IL1RAPL1: variants seen among roughly 807,000 people sequenced by gnomAD.
IL1RAPL1 encodes interleukin-1 receptor accessory protein-like 1.
In IL1RAPL1, 3 loss-of-function variants were observed where a neutral mutation model predicts 48.4. The ratio of observed to expected loss-of-function variants is 0.06; its 90% CI spans 0.03 to 0.16. IL1RAPL1 has a LOEUF of 0.16. Ranked by LOEUF, IL1RAPL1 falls within the 10% of genes least tolerant of loss-of-function variation. IL1RAPL1 has a pLI of 1.00. For synonymous variants in IL1RAPL1, 185 were observed against 187.7 expected, an observed-to-expected ratio of 0.99 and a Z score of 0.12; for missense variants, 349 against 530.6, an observed-to-expected ratio of 0.66 and a Z score of 3.36.
intron 6 of IL1RAPL1, among the ~76,000 whole-genome samples, chrX:29,789,771 C>T (rs1476010467): frequency 1.1e-5 from 1 of 94,309 alleles, no homozygotes; most frequent in Non-Finnish European, 2.1e-5. Context: ...CATCTTTCTT[C>T]ATGAGTTTCT....
At chrX:29,078,496 G>T (rs1927731703) in intron 2 of IL1RAPL1, among the ~76,000 whole-genome samples, 1 of 111,842 alleles carries the variant, frequency 8.9e-6, no homozygotes, top group African/African-American at 3.2e-5. Flanking sequence ...AGAAAAAAAT[G>T]AGGTCATGAC....
intron 5 of IL1RAPL1, among the ~76,000 whole-genome samples, chrX:29,515,525 T>G (rs1935436335): frequency 8.9e-6 from 1 of 112,215 alleles, no homozygotes; most frequent in Admixed American, 9.5e-5. Flanking sequence ...CCTTTTTCAC[T>G]CAGCATAATT....
At chrX:29,030,189 T>C (rs1230875821) in intron 2 of IL1RAPL1, among the ~76,000 whole-genome samples, 1 of 111,300 alleles carries the variant, frequency 9.0e-6, no homozygotes, top group Non-Finnish European at 1.9e-5. Flanking sequence ...AAGTCAGTCC[T>C]CTGAATTTGT....
intron 3 of IL1RAPL1, among the ~76,000 whole-genome samples, chrX:29,347,235 A>T (rs1933162116): frequency 9.0e-6 from 1 of 111,274 alleles, no homozygotes; most frequent in Admixed American, 9.6e-5. Flanking sequence ...CTAAGAACTT[A>T]TATACTGTGG....
chrX:29,149,310 G>A (rs1048311150), intron 2 of IL1RAPL1, among the ~76,000 whole-genome samples: 1 of 110,827 alleles, frequency 9.0e-6, no homozygotes, highest in African/African-American at 3.3e-5. Context: ...TCAAAGATCC[G>A]TATCTTGAAG....
intron 6 of IL1RAPL1, among the ~76,000 whole-genome samples, chrX:29,782,888 A>AT (rs780831874): frequency 0.12 from 3,588 of 31,025 alleles, 1,050 homozygotes; most frequent in Admixed American, 0.16. Context: ...TGATCGTGAC[A>AT]TTTTTTTTTT....
intron 8 of IL1RAPL1, among the ~76,000 whole-genome samples, chrX:29,931,185 AGG>A (rs1382770050): frequency 9.0e-6 from 1 of 110,891 alleles, no homozygotes. Context: ...TTTTTTTTAA[AGG>A]TTAACAGAGT....
At chrX:29,854,027 A>G (rs936485930) in intron 6 of IL1RAPL1, among the ~76,000 whole-genome samples, 68 of 112,167 alleles carry the variant, frequency 6.1e-4, no homozygotes, top group African/African-American at 2.2e-3. Context: ...ATCTCGCTGT[A>G]TCTAACTTTT....
chrX:29,806,397 A>G (rs1346759177), intron 6 of IL1RAPL1, among the ~76,000 whole-genome samples: 1 of 112,178 alleles, frequency 8.9e-6, no homozygotes, highest in African/African-American at 3.2e-5. Context: ...CATAAAATGT[A>G]TCTAAAAAAT....
intron 1 of IL1RAPL1, among the ~76,000 whole-genome samples, chrX:28,700,840 G>T (rs1189221212): frequency 1.8e-5 from 2 of 111,093 alleles, no homozygotes; most frequent in Non-Finnish European, 3.8e-5. Flanking sequence ...TGCTAAGAAT[G>T]ATGGTTTCCA....
chrX:29,840,464 C>G (rs1953593041), intron 6 of IL1RAPL1, among the ~76,000 whole-genome samples: 1 of 111,516 alleles, frequency 9.0e-6, no homozygotes, highest in South Asian at 3.8e-4. Flanking sequence ...AAATGAAAAC[C>G]CATTTTAAAA....
At chrX:29,827,689 C>T (rs1930769023) in intron 6 of IL1RAPL1, among the ~76,000 whole-genome samples, 1 of 112,604 alleles carries the variant, frequency 8.9e-6, no homozygotes, top group African/African-American at 3.2e-5. Context: ...ATACTTAGGG[C>T]TGGCCCTCCA....
intron 7 of IL1RAPL1, among the ~76,000 whole-genome samples, chrX:29,918,140 A>T (rs867010132): frequency 1.1e-4 from 6 of 53,149 alleles, no homozygotes; most frequent in African/African-American, 5.9e-4. Context: ...AAAAAAAAAA[A>T]AAAAATATAT....
At chrX:28,975,832 G>A (rs1925191027) in intron 2 of IL1RAPL1, among the ~76,000 whole-genome samples, 1 of 112,278 alleles carries the variant, frequency 8.9e-6, no homozygotes, top group Admixed American at 9.5e-5. Flanking sequence ...AATAGGATGG[G>A]CAAGGAAGAC....
intron 6 of IL1RAPL1, among the ~76,000 whole-genome samples, chrX:29,699,726 C>A (rs377602021): frequency 3.6e-5 from 4 of 111,799 alleles, no homozygotes; most frequent in African/African-American, 1.3e-4. Context: ...ATTGGTCTGG[C>A]CTTTTCAAGT....
intron 5 of IL1RAPL1, among the ~76,000 whole-genome samples, chrX:29,566,036 CCT>C (rs1301469382): frequency 2.7e-5 from 3 of 109,962 alleles, no homozygotes; most frequent in African/African-American, 6.6e-5. Context: ...GCAAGCTCTG[CCT>C]CCCGGGTTCA....
intron 1 of IL1RAPL1, among the ~76,000 whole-genome samples, chrX:28,695,254 C>T (rs73547857): frequency 0.011 from 1,211 of 111,135 alleles, 12 homozygotes; most frequent in African/African-American, 0.037. Context: ...GGGAGTTCTA[C>T]GTGTCATATC....
intron 8 of IL1RAPL1, among the ~76,000 whole-genome samples, chrX:29,932,311 T>C (rs1358179866): frequency 8.9e-6 from 1 of 112,601 alleles, no homozygotes; most frequent in Non-Finnish European, 1.9e-5. Context: ...CTTCACAGTA[T>C]ACATTTTGAA....
chrX:29,190,810 A>G (rs1397848301), intron 2 of IL1RAPL1, among the ~76,000 whole-genome samples: 1 of 112,576 alleles, frequency 8.9e-6, no homozygotes, highest in Non-Finnish European at 1.9e-5. Flanking sequence ...TGATGAAAGC[A>G]TGATGAATCT....
Sources: gnomAD v4.1 joint callset for allele counts (sites outside exome capture counted in the v4.1 genomes callset) on GRCh38, gnomAD v4.1.1 for gene constraint, MANE v1.5 for transcripts, NCBI Gene and HGNC (gene_info 2026-07-23, HGNC 2026-07-21) for gene names.